The following SPG7 variants were observed in gnomAD, a reference collection of about 807,000 sequenced individuals.
SPG7 encodes the protein mitochondrial inner membrane m-AAA protease component paraplegin.
Under a neutral mutation model 81.9 loss-of-function variants are expected in SPG7, and 103 were observed. The ratio of observed to expected loss-of-function variants is 1.26; its 90% CI spans 1.07 to 1.48. The LOEUF is 1.48. SPG7 is among the 40% of genes most tolerant of loss of function. The pLI is 0.00. For missense variants in SPG7, 1,241 were observed against 1,087.3 expected (o/e 1.14, Z -1.99); for synonymous variants, 534 against 444.2 (o/e 1.20, Z -2.54).
At chr16:89,511,209 TATCTA>T (rs1344947075) in intron 2 of SPG7, among the ~76,000 whole-genome samples, 3 of 152,234 alleles carry the variant, frequency 2.0e-5, no homozygotes, top group Admixed American at 1.3e-4. Flanking sequence ...TTTTTCGTGT[TATCTA>T]GTCAGCTGCA....
At chr16:89,536,689 G>T (rs2058429266) in intron 9 of SPG7, 2 of 1,571,680 alleles carry the variant, frequency 1.3e-6, no homozygotes, top group South Asian at 1.1e-5. Context: ...GAGGCGGGCG[G>T]CTGCGCTGCT....
chr16:89,510,474 T>G lies in SPG7; in HGVS notation c.184-16T>G, dbSNP rs757528646. The G allele has an allele frequency of 8.9e-6, 13 of 1,458,356 alleles. 1 individual carries two copies. In the African/African-American group the frequency reaches 1.5e-4, roughly 17 times the overall value. 90.3% of individuals were successfully genotyped at this position (1,458,356 alleles called of 1,614,324 possible). A position where few individuals can be genotyped will look rare whatever the true frequency, so the allele number is the denominator to read the frequency against. ...TGTTGGTGTGACCTCCAGTATTGTT[T>G]TTTTTTTTTTTTCAGAGCTTACAAT... On this transcript the variant is annotated splice_polypyrimidine_tract_variant and intron_variant, in intron 1 of 16. Coordinates refer to ENST00000645818, the MANE Select transcript of SPG7 (RefSeq NM_003119.4).
At chr16:89,540,851 C>G in intron 9 of SPG7, 1 of 964,222 alleles carries the variant, frequency 1.0e-6, no homozygotes, top group Non-Finnish European at 1.2e-6. Context: ...TGCCTGGGCG[C>G]CGACGCTCAT....
chr16:89,529,699 C>G, intron 6 of SPG7, 120 bp downstream of exon 6: 2 of 751,864 alleles, frequency 2.7e-6, no homozygotes, highest in South Asian at 3.0e-5. Context: ...AGCCTGAAGC[C>G]ACAATTAGAC....
At chr16:89,517,540 C>G (rs1009222053) in intron 3 of SPG7, 2 of 152,152 alleles carry the variant, frequency 1.3e-5, no homozygotes, top group African/African-American at 4.8e-5. Flanking sequence ...CTCTCCTGGG[C>G]CCTGCATCTG....
Position 89,557,024 on chromosome 16 carries a change from G to C in SPG7, c.2319G>C (p.Leu773Phe). ...WIDAQREKQD[L>F]GEEETEETQQ... ...ACGCCCAGAGGGAGAAACAGGACTTGGGCGAGGAGGAGACCGAAGAGACCC... is the reference window on the plus strand; with the variant it reads ...ACGCCCAGAGGGAGAAACAGGACTTCGGCGAGGAGGAGACCGAAGAGACCC... Residue 773 changes from leucine to phenylalanine, a missense_variant, in exon 17 of 17, where the codon TTG (leucine) becomes TTC (phenylalanine). Transcript: ENST00000645818. 6.2e-7 allele frequency: 1 copy of C among 1,613,384 alleles called. No individual in the cohort carries two copies. The highest frequency in any genetic ancestry group is 8.5e-7 in the Non-Finnish European group (1 of 1,180,026).
Position 89,530,697 on chromosome 16 carries a change from G to A in SPG7, c.876G>A (p.Met292Ile). Residue 292 changes from methionine to isoleucine, a missense_variant, in exon 7 of 17, where the codon ATG becomes ATA. Coordinates refer to ENST00000645818, the MANE Select transcript of SPG7 (RefSeq NM_003119.4). ...TTTCTGCACAGAATCAGCTTAAAAT[G>A]GCTCGTTTCACCATTGTGGATGGGA... ...GGFSAFNQLK[M>I]ARFTIVDGKM... The A allele has an allele frequency of 6.2e-7, 1 of 1,614,124 alleles. No individual in the cohort carries two copies. The highest frequency in any genetic ancestry group is 8.5e-7 in the Non-Finnish European group (1 of 1,180,024).
At chr16:89,544,418 G>T (rs1268669458) in intron 9 of SPG7, 2 of 524,906 alleles carry the variant, frequency 3.8e-6, no homozygotes, top group East Asian at 7.4e-5. Context: ...GCCTTGGACA[G>T]TTCTGCTGTT....
chr16:89,510,693 CCT>C, intron 2 of SPG7, 101 bp downstream of exon 2: 1 of 765,946 alleles, frequency 1.3e-6, no homozygotes, highest in South Asian at 1.4e-5. Context: ...GGGATCTCGC[CCT>C]GTTGCACGGG....
At position 89,529,101 on chromosome 16, in the gene SPG7, C is replaced by G. The variant is rs4785688; in HGVS notation, c.759-376C>G. On this transcript the variant is annotated intron_variant, in intron 5 of 16. Transcript: ENST00000645818. ...TGCTAGGATTACAGGCGTGAGCCAC[C>G]GCGCCCGGCCTGAGATTTGCTTTTT... 5.2e-3 allele frequency: 1,769 copies of G among 340,192 alleles called. 34 individuals carry two copies. The highest frequency in any genetic ancestry group is 0.036 in the African/African-American group (1,665 of 46,618). The allele number at this position is 340,192 out of a possible 1,614,324, so 21.1% of individuals were successfully genotyped here.
intron 3 of SPG7, chr16:89,523,530 G>C: frequency 2.8e-6 from 1 of 358,320 alleles, no homozygotes; most frequent in South Asian, 2.1e-5. Context: ...TTGTGAGCTT[G>C]CACTTTGCAG....
At chr16:89,527,537 C>T (rs974192196) in intron 5 of SPG7, among the ~76,000 whole-genome samples, 3 of 152,102 alleles carry the variant, frequency 2.0e-5, no homozygotes, top group Admixed American at 6.5e-5. Flanking sequence ...CAAGGAGGAC[C>T]GTGATAATGT....
chr16:89,522,078 A>T (rs2058195452), intron 3 of SPG7: 1 of 152,264 alleles, frequency 6.6e-6, no homozygotes, highest in Non-Finnish European at 1.5e-5. Flanking sequence ...TCACCTGAGA[A>T]CATAAATTTG....
intron 9 of SPG7, among the ~76,000 whole-genome samples, chr16:89,535,895 T>G (rs1240348477): frequency 7.3e-6 from 1 of 136,600 alleles, no homozygotes; most frequent in Non-Finnish European, 1.6e-5. Context: ...TCTCTGGTGC[T>G]GTGTGGCCTT....
rs1365235920 is a variant in SPG7 at position 89,554,555 on chromosome 16, T to C, written c.2173T>C (p.Leu725=). ...GGTGCTGCAGGACAACCTGGACAAG[T>C]TGCAGGCGGTGAGGCCCTGGCCAGG... is the stretch of plus-strand genomic sequence containing the variant. The part of the protein sequence containing the change: ...EKVLQDNLDK[L]QALANALLEK... The change falls in exon 16 of 17, where the codon TTG becomes CTG. Residue 725 remains leucine, a synonymous_variant. Coordinates refer to ENST00000645818, the MANE Select transcript of SPG7 (RefSeq NM_003119.4). 7 of 1,607,816 alleles carry C rather than the reference T, an allele frequency of 4.4e-6. No homozygotes were observed. The highest frequency in any genetic ancestry group is 5.9e-6 in the Non-Finnish European group (7 of 1,179,372).
intron 9 of SPG7, chr16:89,540,888 G>A (rs2058486257): frequency 2.0e-6 from 2 of 984,736 alleles, no homozygotes. Flanking sequence ...AAAACTGGAA[G>A]TGACCCAGGT....
chr16:89,556,273 A>G (rs1235760060), intron 16 of SPG7: 1 of 397,906 alleles, frequency 2.5e-6, no homozygotes, highest in African/African-American at 2.1e-5. Context: ...TTCTTTAGAA[A>G]ATCTGGAAGA....
chr16:89,536,367 G>A lies in SPG7; in HGVS notation c.1324+3731G>A, dbSNP rs1025641296. Among the ~76,000 whole-genome samples, 7 of 152,078 alleles carry A rather than the reference G, an allele frequency of 4.6e-5. 1 individual carries two copies. Among genetic ancestry groups the A allele is most frequent in the Admixed American group, 4.6e-4 (7 of 15,252 alleles). On this transcript the variant is annotated intron_variant, in intron 9 of 16. Transcript: ENST00000645818. ...GTGGCTCTGACCATTGCTTCTGGAG[G>A]CTGCTCAAGGATGGGTGGGTGGTTT...
chr16:89,534,025 G>A (rs1243736605), intron 9 of SPG7, among the ~76,000 whole-genome samples: 1 of 152,094 alleles, frequency 6.6e-6, no homozygotes, highest in African/African-American at 2.4e-5. Context: ...CAATGAATAC[G>A]TTCACATAGA....
Sources: gnomAD v4.1 joint callset for allele counts (sites outside exome capture counted in the v4.1 genomes callset) on GRCh38, gnomAD v4.1.1 for gene constraint, MANE v1.5 for transcripts, NCBI Gene and HGNC (gene_info 2026-07-23, HGNC 2026-07-21) for gene names.